Variants in MED13L observed in about 807,000 individuals in gnomAD.
MED13L encodes the protein mediator of RNA polymerase II transcription subunit 13-like.
MED13L carries 7 observed loss-of-function variants against 220.9 expected under a neutral mutation model. The ratio of observed to expected loss-of-function variants is 0.03; its 90% CI spans 0.02 to 0.06. The LOEUF is 0.06. Among genes scored for constraint, MED13L ranks in the 10% least tolerant of loss-of-function variants. The pLI is 1.00. For synonymous variants in MED13L, 1,011 were observed against 1,015.2 expected (o/e 1.00, Z 0.08); for missense variants, 1,965 against 2,760.5 (o/e 0.71, Z 6.46).
chr12:116,022,240 T>C (rs1401927835), intron 5 of MED13L, among the ~76,000 whole-genome samples: 2 of 152,226 alleles, frequency 1.3e-5, no homozygotes, highest in Non-Finnish European at 2.9e-5. Flanking sequence ...CATAAGACCA[T>C]CTTATATATG....
chr12:116,015,032 T>A, intron 8 of MED13L, 77 bp downstream of exon 8: 1 of 1,422,706 alleles, frequency 7.0e-7, no homozygotes, highest in Non-Finnish European at 9.9e-7. Flanking sequence ...AATAGTGCAA[T>A]GTGATTGACA....
chr12:116,247,958 A>T (rs1871224725), intron 1 of MED13L, among the ~76,000 whole-genome samples: 1 of 152,236 alleles, frequency 6.6e-6, no homozygotes, highest in African/African-American at 2.4e-5. Flanking sequence ...TATTCAACAG[A>T]TCTAAATTAT....
chr12:116,257,750 T>C (rs924856646), intron 1 of MED13L, among the ~76,000 whole-genome samples: 1 of 152,244 alleles, frequency 6.6e-6, no homozygotes, highest in African/African-American at 2.4e-5. Flanking sequence ...GAAAGACTTT[T>C]ATCGAGGTGA....
At chr12:116,238,257 GC>G (rs1870287487) in intron 1 of MED13L, among the ~76,000 whole-genome samples, 1 of 152,172 alleles carries the variant, frequency 6.6e-6, no homozygotes, top group Admixed American at 6.5e-5. Context: ...AAAGTTATCA[GC>G]AATTTATTCA....
chr12:116,232,316 A>G (rs563660316), intron 2 of MED13L, among the ~76,000 whole-genome samples: 1 of 152,200 alleles, frequency 6.6e-6, no homozygotes, highest in Non-Finnish European at 1.5e-5. Flanking sequence ...TCCTTAATTT[A>G]TATGTCTAAT....
intron 2 of MED13L, among the ~76,000 whole-genome samples, chr12:116,217,193 A>AG (rs1053116852): frequency 2.0e-5 from 3 of 152,230 alleles, no homozygotes; most frequent in African/African-American, 7.2e-5. Flanking sequence ...CATGACCAAG[A>AG]GGGTGCTTGA....
intron 22 of MED13L, chr12:115,982,061 G>A (rs1228051849): frequency 3.3e-6 from 1 of 300,370 alleles, no homozygotes; most frequent in African/African-American, 2.2e-5. Flanking sequence ...ATGTATTGCA[G>A]TCAAAATTTA....
chr12:115,961,718 C>T (rs1875770071), intron 30 of MED13L: 1 of 382,914 alleles, frequency 2.6e-6, no homozygotes, highest in Non-Finnish European at 5.0e-6. Context: ...CCTGGAATCC[C>T]AGCAACTTTG....
intron 4 of MED13L, among the ~76,000 whole-genome samples, chr12:116,032,311 G>GA (rs1442035406): frequency 6.6e-6 from 1 of 151,780 alleles, no homozygotes; most frequent in African/African-American, 2.4e-5. Context: ...CAATTTTAAA[G>GA]AAAAAAACAA....
chr12:116,039,953 G>A (rs1484822647), intron 4 of MED13L, among the ~76,000 whole-genome samples: 1 of 152,174 alleles, frequency 6.6e-6, no homozygotes, highest in Non-Finnish European at 1.5e-5. Context: ...GCACCTAGGT[G>A]TGAGTGTGAG....
At chr12:116,265,064 T>C (rs1209409262) in intron 1 of MED13L, among the ~76,000 whole-genome samples, 1 of 152,168 alleles carries the variant, frequency 6.6e-6, no homozygotes. Flanking sequence ...TCAACCCACT[T>C]ATCCAAGATT....
At chr12:115,970,530 G>A (rs1876508359) in intron 27 of MED13L, 64 bp downstream of exon 27, 1 of 1,544,242 alleles carries the variant, frequency 6.5e-7, no homozygotes, top group South Asian at 1.1e-5. Flanking sequence ...GCAGCCCAGT[G>A]ATTCCATACT....
chr12:116,023,429 G>T (rs1189537605), intron 4 of MED13L, among the ~76,000 whole-genome samples: 1 of 152,002 alleles, frequency 6.6e-6, no homozygotes, highest in Non-Finnish European at 1.5e-5. Flanking sequence ...TTTTCCTGAT[G>T]AAACAAAATC....
intron 2 of MED13L, among the ~76,000 whole-genome samples, chr12:116,134,882 C>G (rs201287894): frequency 6.6e-6 from 1 of 151,972 alleles, no homozygotes; most frequent in Admixed American, 6.6e-5. Flanking sequence ...GAAAGCAACA[C>G]CATGTGGCCG....
intron 2 of MED13L, among the ~76,000 whole-genome samples, chr12:116,206,073 CCTT>C (rs1334763009): frequency 4.3e-5 from 6 of 138,878 alleles, no homozygotes; most frequent in Non-Finnish European, 7.7e-5. Flanking sequence ...AGTATTATTA[CCTT>C]TTTTTTTTTT....
intron 2 of MED13L, among the ~76,000 whole-genome samples, chr12:116,132,173 C>G (rs755320544): frequency 1.3e-5 from 2 of 149,398 alleles, no homozygotes; most frequent in Non-Finnish European, 3.0e-5. Context: ...CCCAGCTACT[C>G]AGGAGGCTCA....
rs1384720246 is a variant in MED13L at position 116,211,534 on chromosome 12, T to C, written c.310+25934A>G. Among the ~76,000 whole-genome samples the C allele has an allele frequency of 7.2e-5, 11 of 152,270 alleles. No homozygotes were observed. In the East Asian group the frequency reaches 2.1e-3, roughly 29 times the overall value. On this transcript the variant is annotated intron_variant, in intron 2 of 30. Transcript: ENST00000281928. The stretch of plus-strand genomic sequence containing the variant: ...CCTTTCTTCAAGGGCATTTCTAAAC[T>C]AAGTATCGGCCTACAAGGCTCCTAA...
At chr12:116,274,930 G>C (rs933414545) in intron 1 of MED13L, among the ~76,000 whole-genome samples, 2 of 149,650 alleles carry the variant, frequency 1.3e-5, no homozygotes, top group African/African-American at 4.9e-5. Context: ...CTACAAAATT[G>C]CTTCTCCAAA....
Position 115,968,851 on chromosome 12 carries a change from C to A in MED13L, c.6225+89G>T, listed in dbSNP as rs1876379132. On this transcript the variant is annotated intron_variant, in intron 28 of 30. Coordinates refer to ENST00000281928, the MANE Select transcript of MED13L (RefSeq NM_015335.5). ...AGGACCCAGACCATCAAGAACTGTG[C>A]AAGTAGGAACAAGATGATCAGATGT... 7 of 1,515,672 alleles carry A rather than the reference C, an allele frequency of 4.6e-6. No homozygotes were observed. In the South Asian group the frequency reaches 8.0e-5, roughly 17 times the overall value. The allele number at this position is 1,515,672 out of a possible 1,614,324, so 93.9% of individuals were successfully genotyped here.
Sources: allele counts gnomAD v4.1 joint callset (sites outside exome capture counted in the v4.1 genomes callset), GRCh38; gene constraint gnomAD v4.1.1; transcripts MANE v1.5; gene names NCBI Gene and HGNC (gene_info 2026-07-23, HGNC 2026-07-21).